The following NKAIN2 variants were observed in gnomAD, a reference collection of about 807,000 sequenced individuals.
NKAIN2 encodes sodium/potassium-transporting ATPase subunit beta-1-interacting protein 2.
NKAIN2 carries 14 observed loss-of-function variants against 32.6 expected under a neutral mutation model. The observed-to-expected ratio is 0.43, with a 90% confidence interval of 0.28 to 0.67. The LOEUF (loss-of-function observed/expected upper bound fraction) is 0.67, where lower values mean the gene tolerates loss of function less well. Ranked by LOEUF, NKAIN2 falls within the 30% of genes least tolerant of loss-of-function variation. The probability of loss-of-function intolerance (pLI) is 0.17; values close to 1 mark genes in which losing one functional copy is unlikely to be tolerated. For synonymous variants in NKAIN2, 80 were observed against 87.2 expected (o/e 0.92, Z 0.46); for missense variants, 198 against 258.3 (o/e 0.77, Z 1.60).
chr6:124,612,392 T>C (rs1390846499), intron 3 of NKAIN2, among the ~76,000 whole-genome samples: 4 of 152,206 alleles, frequency 2.6e-5, no homozygotes, highest in African/African-American at 7.2e-5. Flanking sequence ...AATAGTAATA[T>C]AGGCTAGCTT....
intron 1 of NKAIN2, among the ~76,000 whole-genome samples, chr6:123,815,951 C>G (rs1262346738): frequency 6.6e-6 from 1 of 151,906 alleles, no homozygotes; most frequent in Non-Finnish European, 1.5e-5. Flanking sequence ...TATAGGGCAG[C>G]ATGATAAGAA....
intron 4 of NKAIN2, among the ~76,000 whole-genome samples, chr6:124,702,337 G>A (rs1583673846): frequency 6.6e-6 from 1 of 151,982 alleles, no homozygotes; most frequent in African/African-American, 2.4e-5. Flanking sequence ...TTTTTTGAGT[G>A]TGATATATTT....
chr6:124,348,437 G>T (rs1798547671), intron 2 of NKAIN2, among the ~76,000 whole-genome samples: 1 of 152,224 alleles, frequency 6.6e-6, no homozygotes, highest in African/African-American at 2.4e-5. Flanking sequence ...GCCCCCAGAG[G>T]TGGAGCCTAC....
At chr6:123,998,692 T>C (rs1328521185) in intron 1 of NKAIN2, among the ~76,000 whole-genome samples, 1 of 151,862 alleles carries the variant, frequency 6.6e-6, no homozygotes, top group Non-Finnish European at 1.5e-5. Flanking sequence ...ACACCCTAAC[T>C]GTCCATTGAC....
At chr6:124,522,762 T>C (rs1779160548) in intron 3 of NKAIN2, among the ~76,000 whole-genome samples, 1 of 152,154 alleles carries the variant, frequency 6.6e-6, no homozygotes, top group Middle Eastern at 3.2e-3. Flanking sequence ...TAAATCAAGA[T>C]GGAAAATCTA....
At chr6:124,443,269 C>T (rs748312204) in intron 3 of NKAIN2, among the ~76,000 whole-genome samples, 1 of 152,080 alleles carries the variant, frequency 6.6e-6, no homozygotes, top group South Asian at 2.1e-4. Context: ...TTTCAATTAG[C>T]GGGATGTTAT....
At chr6:124,707,537 C>G (rs1775158916) in intron 4 of NKAIN2, among the ~76,000 whole-genome samples, 1 of 128,220 alleles carries the variant, frequency 7.8e-6, no homozygotes, top group African/African-American at 3.1e-5. Flanking sequence ...GCCATTTTAA[C>G]TGGTGTGAGA....
intron 3 of NKAIN2, among the ~76,000 whole-genome samples, chr6:124,454,603 T>C (rs1434730201): frequency 1.3e-5 from 2 of 151,940 alleles, no homozygotes; most frequent in Non-Finnish European, 2.9e-5. Flanking sequence ...AAACTGAAAA[T>C]CTTATGAATG....
At chr6:124,463,251 TATA>T (rs1776605164) in intron 3 of NKAIN2, among the ~76,000 whole-genome samples, 1 of 152,054 alleles carries the variant, frequency 6.6e-6, no homozygotes, top group African/African-American at 2.4e-5. Flanking sequence ...CCCAATGAAA[TATA>T]ATAAAAGAGA....
chr6:124,502,835 T>C (rs1778345527), intron 3 of NKAIN2, among the ~76,000 whole-genome samples: 1 of 152,200 alleles, frequency 6.6e-6, no homozygotes, highest in African/African-American at 2.4e-5. Context: ...AATCTGTCTA[T>C]TCATGTGTGT....
chr6:124,143,468 AAAG>A (rs796455367), intron 1 of NKAIN2, among the ~76,000 whole-genome samples: 44 of 149,918 alleles, frequency 2.9e-4, no homozygotes, highest in African/African-American at 9.7e-4. Context: ...TGTCTCTAAA[AAAG>A]AAGAAAAAAG....
At chr6:124,795,132 G>C (rs1779940365) in intron 5 of NKAIN2, among the ~76,000 whole-genome samples, 1 of 152,164 alleles carries the variant, frequency 6.6e-6, no homozygotes. Flanking sequence ...CTACCTGCTT[G>C]CCAAATTGGT....
At chr6:124,527,939 C>T (rs1469356280) in intron 3 of NKAIN2, among the ~76,000 whole-genome samples, 3 of 152,078 alleles carry the variant, frequency 2.0e-5, no homozygotes, top group African/African-American at 7.2e-5. Flanking sequence ...ATACTTGGCA[C>T]CTAGAACATA....
At chr6:124,367,091 A>G (rs1799553197) in intron 3 of NKAIN2, among the ~76,000 whole-genome samples, 2 of 152,124 alleles carry the variant, frequency 1.3e-5, no homozygotes, top group South Asian at 4.1e-4. Context: ...CATCATCGTT[A>G]TGCAGGAGAA....
intron 1 of NKAIN2, among the ~76,000 whole-genome samples, chr6:123,963,442 G>C (rs1777941355): frequency 6.6e-6 from 1 of 152,204 alleles, no homozygotes; most frequent in African/African-American, 2.4e-5. Context: ...CAATTGTCCA[G>C]AGAGTTGATG....
chr6:124,150,422 C>T (rs1212461987), intron 1 of NKAIN2, among the ~76,000 whole-genome samples: 1 of 152,058 alleles, frequency 6.6e-6, no homozygotes, highest in Non-Finnish European at 1.5e-5. Context: ...ATTATACATG[C>T]ATGTATTATT....
chr6:124,215,689 C>T (rs1324130595), intron 1 of NKAIN2, among the ~76,000 whole-genome samples: 1 of 152,050 alleles, frequency 6.6e-6, no homozygotes, highest in Non-Finnish European at 1.5e-5. Context: ...GATAAAGGTG[C>T]CCTCACATAT....
intron 3 of NKAIN2, among the ~76,000 whole-genome samples, chr6:124,507,259 T>C (rs1462393773): frequency 6.6e-6 from 1 of 152,192 alleles, no homozygotes; most frequent in African/African-American, 2.4e-5. Context: ...TTTGCATTTG[T>C]AGTCTATGTG....
intron 4 of NKAIN2, among the ~76,000 whole-genome samples, chr6:124,725,359 C>T (rs1776222812): frequency 6.6e-6 from 1 of 152,132 alleles, no homozygotes; most frequent in African/African-American, 2.4e-5. Flanking sequence ...CCACCTTGGC[C>T]TCCCAAAGCA....
Sources: allele counts gnomAD v4.1 joint callset (sites outside exome capture counted in the v4.1 genomes callset), GRCh38; gene constraint gnomAD v4.1.1; transcripts MANE v1.5; gene names NCBI Gene and HGNC (gene_info 2026-07-23, HGNC 2026-07-21).